Variants in ANKMY1 observed in about 807,000 individuals in gnomAD.
ANKMY1 encodes ankyrin repeat and MYND domain containing 1, also known as ankyrin repeat and MYND domain-containing protein 1.
Under a neutral mutation model 102.0 loss-of-function variants are expected in ANKMY1, and 98 were observed. The observed-to-expected ratio is 0.96, with a 90% CI of 0.82 to 1.14. The LOEUF (loss-of-function observed/expected upper bound fraction) is 1.14, where lower values mean the gene tolerates loss of function less well. ANKMY1 is among the 50% of genes most tolerant of loss of function. ANKMY1 has a pLI of 0.00. For missense variants in ANKMY1, 1,330 were observed against 1,347.6 expected (o/e 0.99, Z 0.20); for synonymous variants, 582 against 559.9 (o/e 1.04, Z -0.56).
At chr2:240,475,841 A>C (rs1054950779), downstream of ANKMY1, among the ~76,000 whole-genome samples, 1 of 152,118 alleles carries the variant, frequency 6.6e-6, no homozygotes, top group African/African-American at 2.4e-5. Context: ...TAAAATATTG[A>C]TGAGAGAAAT....
At chr2:240,561,029 C>G (rs1417229730), upstream of ANKMY1, 2 of 1,534,220 alleles carry the variant, frequency 1.3e-6, no homozygotes, top group Non-Finnish European at 1.7e-6. Flanking sequence ...CCGTCTGCAC[C>G]GCGTACCTCA....
At chr2:240,514,131 T>C (rs1262767203) in intron 9 of ANKMY1, among the ~76,000 whole-genome samples, 2 of 152,178 alleles carry the variant, frequency 1.3e-5, no homozygotes. Context: ...ACTGAGCTAA[T>C]AACAGAACCA....
At chr2:240,557,802 C>A in intron 1 of ANKMY1, 79 bp downstream of exon 1, 7 of 889,722 alleles carry the variant, frequency 7.9e-6, no homozygotes, top group Non-Finnish European at 9.4e-6. Context: ...GAGCCTGGCG[C>A]CCCCCCGCAC....
chr2:240,542,558 C>T (rs1450162406), intron 4 of ANKMY1, among the ~76,000 whole-genome samples: 1 of 151,666 alleles, frequency 6.6e-6, no homozygotes, highest in Non-Finnish European at 1.5e-5. Flanking sequence ...AAATTTTGGT[C>T]CACAGCCTTC....
At chr2:240,536,966 C>A (rs1329830031) in intron 4 of ANKMY1, among the ~76,000 whole-genome samples, 1 of 152,094 alleles carries the variant, frequency 6.6e-6, no homozygotes, top group Non-Finnish European at 1.5e-5. Flanking sequence ...CTCAAGCAAT[C>A]CTCTTGCTTC....
In ANKMY1 at chr2:240,555,051, C is replaced by T. The variant is rs772954760; in HGVS notation, c.151G>A (p.Val51Ile). The T allele has an allele frequency of 1.2e-6, 2 of 1,613,884 alleles. No individual in the cohort carries two copies. The highest frequency in any genetic ancestry group is 1.7e-6 in the Non-Finnish European group (2 of 1,179,868). The change falls in exon 3 of 18, where the codon GTT becomes ATT. Residue 51 changes from valine to isoleucine, a missense_variant. By Grantham distance (29) the Val-to-Ile change is conservative. Coordinates refer to ENST00000401804, the MANE Select transcript of ANKMY1 (RefSeq NM_001282771.3). ...TCTTCCTTCTCAGGGGCTGCTGAAA[C>T]ATCCCTAAAAGGACAGGAGCAGAAG... ...KNYAVFATRDVSAAPEKEEEE... is the reference protein window; with the variant it reads ...KNYAVFATRDISAAPEKEEEE...
intron 9 of ANKMY1, among the ~76,000 whole-genome samples, chr2:240,513,543 G>T (rs531258634): frequency 1.3e-5 from 2 of 152,366 alleles, no homozygotes; most frequent in South Asian, 4.1e-4. Flanking sequence ...CGCTCCAACA[G>T]GAAAGAGAAA....
chr2:240,475,695 A>G (rs1320705861), downstream of ANKMY1, among the ~76,000 whole-genome samples: 1 of 151,786 alleles, frequency 6.6e-6, no homozygotes, highest in African/African-American at 2.4e-5. Flanking sequence ...TAATTTTTGT[A>G]TGCTGATATT....
chr2:240,482,149 T>C, intron 16 of ANKMY1, 34 bp downstream of exon 16: 1 of 1,606,866 alleles, frequency 6.2e-7, no homozygotes, highest in South Asian at 1.1e-5. Flanking sequence ...CAGGCTGCCA[T>C]CCTGGAAAGA....
intron 11 of ANKMY1, among the ~76,000 whole-genome samples, chr2:240,511,091 C>T (rs1285950012): frequency 6.6e-6 from 1 of 152,116 alleles, no homozygotes; most frequent in East Asian, 1.9e-4. Flanking sequence ...CAGGGATGTT[C>T]TGAAGCAGGG....
intron 13 of ANKMY1, among the ~76,000 whole-genome samples, chr2:240,501,539 G>A (rs967893925): frequency 6.6e-6 from 1 of 152,178 alleles, no homozygotes; most frequent in African/African-American, 2.4e-5. Context: ...TCACTGCTGT[G>A]TGCGTGTGTG....
chr2:240,538,322 G>GGGCCAC (rs2087479646), intron 4 of ANKMY1, among the ~76,000 whole-genome samples: 1 of 151,720 alleles, frequency 6.6e-6, no homozygotes, highest in Admixed American at 6.6e-5. Flanking sequence ...GCGGCGCTCA[G>GGGCCAC]GGGCCAGCGC....
At chr2:240,481,482 G>A (rs2075382973) in intron 16 of ANKMY1, among the ~76,000 whole-genome samples, 1 of 152,202 alleles carries the variant, frequency 6.6e-6, no homozygotes, top group African/African-American at 2.4e-5. Flanking sequence ...GTGACTCTTC[G>A]AGGGCAGGGC....
intron 13 of ANKMY1, among the ~76,000 whole-genome samples, chr2:240,504,590 A>T (rs1246279049): frequency 6.6e-6 from 1 of 152,250 alleles, no homozygotes; most frequent in Non-Finnish European, 1.5e-5. Flanking sequence ...TTAAAAAAAA[A>T]GATTCAAAAA....
chr2:240,517,500 A>T (rs2081390867), intron 9 of ANKMY1, among the ~76,000 whole-genome samples: 1 of 152,194 alleles, frequency 6.6e-6, no homozygotes, highest in African/African-American at 2.4e-5. Context: ...AAGCCAACTT[A>T]GGATAGCCTG....
intron 11 of ANKMY1, among the ~76,000 whole-genome samples, chr2:240,511,419 C>T (rs906465580): frequency 1.3e-5 from 2 of 152,206 alleles, no homozygotes; most frequent in African/African-American, 4.8e-5. Flanking sequence ...GTGGTTCCCA[C>T]ACCCAATTTG....
intron 9 of ANKMY1, 95 bp from the exon 10 acceptor site, chr2:240,513,037 G>A: frequency 7.4e-6 from 11 of 1,484,486 alleles, no homozygotes; most frequent in Non-Finnish European, 8.1e-6. Context: ...GGAAATGGCT[G>A]AGACTCCAAG....
chr2:240,512,126 T>G, intron 10 of ANKMY1, 125 bp from the exon 11 acceptor site: 2 of 1,185,806 alleles, frequency 1.7e-6, no homozygotes, highest in Non-Finnish European at 1.1e-6. Flanking sequence ...GAAACCCTCT[T>G]GAAGGCGGAT....
chr2:240,544,638 T>C (rs964802165), intron 4 of ANKMY1, among the ~76,000 whole-genome samples: 21 of 152,146 alleles, frequency 1.4e-4, no homozygotes, highest in Non-Finnish European at 2.2e-4. Flanking sequence ...TGGGCGCAGG[T>C]CAGTGGGTGC....
Sources: gnomAD v4.1 joint callset for allele counts (sites outside exome capture counted in the v4.1 genomes callset) on GRCh38, gnomAD v4.1.1 for gene constraint, MANE v1.5 for transcripts, NCBI Gene and HGNC (gene_info 2026-07-23, HGNC 2026-07-21) for gene names.